Variants in PSME4 observed in about 807,000 individuals in gnomAD.
The protein encoded by PSME4 is proteasome activator subunit 4.
Under a neutral mutation model 253.9 loss-of-function variants are expected in PSME4, and 89 were observed. The ratio of observed to expected loss-of-function variants is 0.35; its 90% CI spans 0.30 to 0.42. The LOEUF (loss-of-function observed/expected upper bound fraction) is 0.42. Among genes scored for constraint, PSME4 ranks in the 10% least tolerant of loss-of-function variants. PSME4 has a pLI of 1.00. For synonymous variants in PSME4, 851 were observed against 759.2 expected (o/e 1.12, Z -1.99); for missense variants, 2,014 against 2,195.2 (o/e 0.92, Z 1.65).
intron 29 of PSME4, 33 bp from the exon 30 acceptor site, chr2:53,898,387 T>A: frequency 6.8e-7 from 1 of 1,469,798 alleles, no homozygotes; most frequent in Non-Finnish European, 9.3e-7. Flanking sequence ...TATTTTACTA[T>A]AATACTAAAA....
intron 41 of PSME4, among the ~76,000 whole-genome samples, chr2:53,878,366 G>A (rs578122432): frequency 9.7e-4 from 148 of 152,208 alleles, no homozygotes; most frequent in African/African-American, 3.3e-3. Context: ...TGTCGCCTCA[G>A]GACCCTGTGA....
Position 53,931,971 on chromosome 2 carries a change from T to C in PSME4, c.1180A>G (p.Thr394Ala). ...DSHKLTDQDV[T>A]DFVQCIIQPV... ...TGAATAATGCATTGTACAAAGTCTG[T>C]AACATCTTGATCAGTAAGCTTGTGG... is the stretch of plus-strand genomic sequence containing the variant. Residue 394 changes from threonine to alanine, a missense_variant, in exon 10 of 47, where the codon ACA (threonine) becomes GCA (alanine). Around this residue, in one of 4 missense-constraint regions of PSME4, gnomAD observed 615 missense variants for 594.4 expected, o/e 1.03. Transcript: ENST00000404125. 2.5e-6 allele frequency: 4 copies of C among 1,614,168 alleles called. No homozygotes were observed. In the South Asian group the frequency reaches 3.3e-5, roughly 13 times the overall value.
intron 3 of PSME4, among the ~76,000 whole-genome samples, chr2:53,943,183 T>C (rs1669534345): frequency 1.3e-5 from 2 of 152,254 alleles, no homozygotes; most frequent in Admixed American, 1.3e-4. Flanking sequence ...TACTTGCAGC[T>C]TCACTTGACA....
chr2:53,877,935 C>T (rs2104415800), intron 41 of PSME4, among the ~76,000 whole-genome samples: 1 of 152,178 alleles, frequency 6.6e-6, no homozygotes. Context: ...CAAATTAAAA[C>T]CATACTGAGT....
chr2:53,942,372 T>C (rs1669492436), intron 3 of PSME4: 1 of 152,536 alleles, frequency 6.6e-6, no homozygotes. Context: ...CACTTGTTTT[T>C]TTTTTTAAAA....
At chr2:53,913,872 G>A (rs1416305661) in intron 20 of PSME4, among the ~76,000 whole-genome samples, 1 of 152,204 alleles carries the variant, frequency 6.6e-6, no homozygotes, top group Non-Finnish European at 1.5e-5. Flanking sequence ...GTTACTCACC[G>A]TGGAGTAGTA....
chr2:53,927,625 A>C, intron 11 of PSME4, 142 bp from the exon 12 acceptor site: 1 of 688,654 alleles, frequency 1.5e-6, no homozygotes, highest in South Asian at 1.7e-5. Context: ...CCTCATTTAG[A>C]ATTGAACACT....
At chr2:53,866,976 A>G in intron 44 of PSME4, 96 bp from the exon 45 acceptor site, 2 of 1,193,118 alleles carry the variant, frequency 1.7e-6, no homozygotes, top group Admixed American at 2.4e-5. Flanking sequence ...TGTTGTTTTC[A>G]ATATGTGAAT....
At position 53,949,246 on chromosome 2, in the gene PSME4, C is replaced by A; in HGVS notation, c.280G>T (p.Asp94Tyr). The change falls in exon 2 of 47, where the codon GAT (aspartate) becomes TAT (tyrosine). Residue 94 changes from aspartate (D) to tyrosine (Y), a missense_variant. Transcript: ENST00000404125. ...AATAACTTAATAAAAAGAACATGAT[C>A]TTCTTTGCTAAATTTTCTCCCATAA... is the stretch of plus-strand genomic sequence containing the variant. ...RLYGRKFSKE[D>Y]HVLFIKLLYE... The A allele has an allele frequency of 6.2e-7, 1 of 1,606,482 alleles. No homozygotes were observed.
chr2:53,947,555 A>C (rs978395196), intron 3 of PSME4, among the ~76,000 whole-genome samples: 2 of 151,914 alleles, frequency 1.3e-5, no homozygotes, highest in African/African-American at 4.8e-5. Flanking sequence ...AACACAAAAA[A>C]ATTAGCCGGG....
At position 53,887,848 on chromosome 2, in the gene PSME4, C is replaced by CA. The variant is rs750370963; in HGVS notation, c.4520+9dup. ...CTCGAGAGGTACACCACAGAGAAAA[C>CA]AGTACCTACCTTCCTATTCTTTCTC... is the stretch of plus-strand genomic sequence containing the variant. On this transcript the variant is annotated intron_variant, in intron 39 of 46. Transcript: ENST00000404125. The CA allele has an allele frequency of 3.8e-6, 6 of 1,584,412 alleles. No individual in the cohort carries two copies. Among genetic ancestry groups the CA allele is most frequent in the Non-Finnish European group, 5.2e-6 (6 of 1,156,470 alleles).
chr2:53,970,797 ACCC>A lies in PSME4; in HGVS notation c.-16_-14del. 1 of 1,400,488 alleles carries A rather than the reference ACCC, an allele frequency of 7.1e-7. No individual in the cohort carries two copies. Among genetic ancestry groups the A allele is most frequent in the East Asian group, 2.7e-5 (1 of 37,664 alleles). 86.8% of individuals were successfully genotyped at this position (1,400,488 alleles called of 1,614,324 possible). A position where few individuals can be genotyped will look rare whatever the true frequency, so the allele number is the denominator to read the frequency against. On this transcript the variant is annotated 5_prime_UTR_variant, in exon 1 of 47. Coordinates refer to ENST00000404125, the MANE Select transcript of PSME4 (RefSeq NM_014614.3). ...CGGCCGGCTCCATGAGCCCAGGGAC[ACCC>A]CCCCCACCCCCTCCCACCCGAACCC...
chr2:53,936,269 T>C, intron 6 of PSME4, 108 bp from the exon 7 acceptor site: 2 of 1,457,780 alleles, frequency 1.4e-6, no homozygotes, highest in Non-Finnish European at 1.8e-6. Flanking sequence ...TAGTGCAATC[T>C]ACTTAAATAG....
At chr2:53,906,251 G>A (rs1680654760) in intron 26 of PSME4, among the ~76,000 whole-genome samples, 2 of 152,156 alleles carry the variant, frequency 1.3e-5, no homozygotes, top group African/African-American at 4.8e-5. Flanking sequence ...TGTGATTGAA[G>A]TGCCAGCAAT....
intron 41 of PSME4, among the ~76,000 whole-genome samples, chr2:53,880,123 G>T (rs564581614): frequency 6.6e-6 from 1 of 152,252 alleles, no homozygotes; most frequent in African/African-American, 2.4e-5. Flanking sequence ...CAGTATAAGG[G>T]TATTTCTTTA....
chr2:53,895,101 T>A (rs1255122625), intron 33 of PSME4, 25 bp from the exon 34 acceptor site: 1 of 1,576,316 alleles, frequency 6.3e-7, no homozygotes. Flanking sequence ...TTCATATTTA[T>A]CATACGCATA....
At chr2:53,928,537 A>C (rs1558692768) in intron 10 of PSME4, among the ~76,000 whole-genome samples, 2 of 152,204 alleles carry the variant, frequency 1.3e-5, no homozygotes, top group East Asian at 3.8e-4. Flanking sequence ...TGAGAACGAG[A>C]GACCATATTC....
rs1219757847 is a variant in PSME4, at chr2:53,913,484, T to C, written c.2517-3354A>G. Among the ~76,000 whole-genome samples, 4 of 152,320 alleles carry C rather than the reference T, an allele frequency of 2.6e-5. No individual in the cohort carries two copies. The East Asian group carries it at 7.7e-4, about 29-fold the overall frequency. ...AGCTGTAAACAATAATATAAAATTC[T>C]TCCTGTGTATAAGTGAAAGAACATC... On this transcript the variant is annotated intron_variant, in intron 20 of 46. Transcript: ENST00000404125.
chr2:53,964,606 T>C (rs374861285), intron 1 of PSME4, among the ~76,000 whole-genome samples: 2 of 152,256 alleles, frequency 1.3e-5, no homozygotes, highest in African/African-American at 4.8e-5. Flanking sequence ...ACCACTTGCA[T>C]TTATTGTGTA....
Sources: allele counts gnomAD v4.1 joint callset (sites outside exome capture counted in the v4.1 genomes callset), GRCh38; gene constraint gnomAD v4.1.1; regional missense constraint gnomAD v4.1.1; transcripts MANE v1.5; gene names NCBI Gene and HGNC (gene_info 2026-07-23, HGNC 2026-07-21).